The following ATP10A variants were observed in gnomAD, a reference collection of about 807,000 sequenced individuals.
ATP10A encodes phospholipid-transporting ATPase VA.
A neutral mutation model predicts 147.8 loss-of-function variants in ATP10A; 111 were observed. The ratio of observed to expected loss-of-function variants is 0.75; its 90% confidence interval spans 0.64 to 0.88. The LOEUF is 0.88. ATP10A is among the 40% of genes least tolerant of loss of function. ATP10A has a pLI of 0.00. For synonymous variants in ATP10A, 875 were observed against 841.6 expected, an observed-to-expected ratio of 1.04 and a Z score of -0.69; for missense variants, 1,927 against 1,959.0, an observed-to-expected ratio of 0.98 and a Z score of 0.31.
chr15:25,725,496 C>G (rs1432858446), intron 5 of ATP10A, among the ~76,000 whole-genome samples: 1 of 152,142 alleles, frequency 6.6e-6, no homozygotes, highest in African/African-American at 2.4e-5. Flanking sequence ...TTCACCCAGG[C>G]GTTTCCATGT....
intron 1 of ATP10A, among the ~76,000 whole-genome samples, chr15:25,785,774 C>A (rs1890129993): frequency 6.6e-6 from 1 of 152,182 alleles, no homozygotes; most frequent in Non-Finnish European, 1.5e-5. Flanking sequence ...CTGGGGAAGT[C>A]TGGCTGTGCT....
At chr15:25,783,477 AC>A (rs34937685) in intron 1 of ATP10A, among the ~76,000 whole-genome samples, 4 of 145,416 alleles carry the variant, frequency 2.8e-5, no homozygotes, top group Non-Finnish European at 6.2e-5. Context: ...GATTTGAGGG[AC>A]CCCCCCCTGG....
intron 15 of ATP10A, 36 bp from the exon 16 acceptor site, chr15:25,687,864 C>T: frequency 2.5e-6 from 4 of 1,613,438 alleles, no homozygotes; most frequent in South Asian, 1.1e-5. Context: ...ACTGGTGATG[C>T]CGACCTGGCG....
intron 13 of ATP10A, among the ~76,000 whole-genome samples, chr15:25,695,429 C>T (rs1327579702): frequency 6.6e-6 from 1 of 151,948 alleles, no homozygotes; most frequent in African/African-American, 2.4e-5. Flanking sequence ...GAGATCAAGA[C>T]CATCCTGGCT....
intron 1 of ATP10A, among the ~76,000 whole-genome samples, chr15:25,820,718 C>T (rs1051375129): frequency 6.6e-6 from 1 of 152,040 alleles, no homozygotes; most frequent in Non-Finnish European, 1.5e-5. Flanking sequence ...AAAAATGCTG[C>T]TTGGGAAAAT....
At chr15:25,819,929 G>A (rs576995779) in intron 1 of ATP10A, among the ~76,000 whole-genome samples, 16 of 152,198 alleles carry the variant, frequency 1.1e-4, no homozygotes, top group African/African-American at 3.9e-4. Flanking sequence ...AAAAAGGGGG[G>A]AGGGCGGAAG....
intron 2 of ATP10A, among the ~76,000 whole-genome samples, chr15:25,759,404 A>G (rs1888632192): frequency 1.3e-5 from 2 of 152,200 alleles, no homozygotes; most frequent in Admixed American, 1.3e-4. Context: ...TAGAAAATTT[A>G]AGTTTTTAAA....
intron 2 of ATP10A, among the ~76,000 whole-genome samples, chr15:25,737,454 T>C (rs1887350151): frequency 6.6e-6 from 1 of 152,224 alleles, no homozygotes; most frequent in African/African-American, 2.4e-5. Flanking sequence ...AAAAATGTCA[T>C]GGACATGGCT....
intron 7 of ATP10A, 33 bp downstream of exon 7, chr15:25,721,624 C>G: frequency 6.3e-7 from 1 of 1,580,974 alleles, no homozygotes; most frequent in Non-Finnish European, 8.6e-7. Context: ...TCTGGTTCAG[C>G]CTGGGTTGGG....
intron 15 of ATP10A, among the ~76,000 whole-genome samples, chr15:25,689,527 C>T (rs1163457746): frequency 1.3e-5 from 2 of 152,232 alleles, no homozygotes; most frequent in African/African-American, 2.4e-5. Context: ...CAGCAACCCA[C>T]AGCTCATCTC....
chr15:25,844,971 G>A (rs775378082), intron 1 of ATP10A, among the ~76,000 whole-genome samples: 28 of 152,208 alleles, frequency 1.8e-4, no homozygotes, highest in Admixed American at 3.3e-4. Flanking sequence ...GCCTGAACAA[G>A]GGCCATAGCA....
In ATP10A at chr15:25,716,530, T is replaced by C. The variant is rs189028033; in HGVS notation, c.1776+200A>G. 1.5e-3 allele frequency among the ~76,000 whole-genome samples: 228 copies of C among 150,714 alleles called. 1 individual carries two copies. Among genetic ancestry groups the C allele is most frequent in the African/African-American group, 5.4e-3 (218 of 40,046 alleles). On this transcript the variant is annotated intron_variant, in intron 9 of 20. Coordinates refer to ENST00000555815, the MANE Select transcript of ATP10A (RefSeq NM_024490.4). ...GGCCCCAATCATAGCCCCTGCCCAC[T>C]ATAGCCTGGGGCCAACGCTGCAGAA... is the stretch of plus-strand genomic sequence containing the variant.
rs192105109 is a variant in ATP10A, at chr15:25,824,310, A to T, written c.449+38338T>A. 6.6e-5 allele frequency among the ~76,000 whole-genome samples: 10 copies of T among 151,752 alleles called. No individual in the cohort carries two copies. The East Asian group carries it at 9.8e-4, about 15-fold the overall frequency. On this transcript the variant is annotated intron_variant, in intron 1 of 20. Transcript: ENST00000555815. Reference sequence around the variant, plus strand: ...TGGACAACACAGTGAGACCTCTATTAAAAAAATACAAAGAAATGCTGGGTG... The same window carrying T: ...TGGACAACACAGTGAGACCTCTATTTAAAAAATACAAAGAAATGCTGGGTG...
chr15:25,725,754 T>C (rs111559674), intron 5 of ATP10A, among the ~76,000 whole-genome samples, 197 bp downstream of exon 5: 4,105 of 151,980 alleles, frequency 0.027, 84 homozygotes, highest in African/African-American at 0.047. Flanking sequence ...CCTGCCTCAG[T>C]CTCCCGAGTA....
At chr15:25,685,489 A>C (rs562187654) in intron 16 of ATP10A, among the ~76,000 whole-genome samples, 1 of 152,168 alleles carries the variant, frequency 6.6e-6, no homozygotes, top group African/African-American at 2.4e-5. Flanking sequence ...TTTAACTGGG[A>C]ATTAGGGATC....
intron 2 of ATP10A, among the ~76,000 whole-genome samples, chr15:25,753,081 C>T (rs1004196274): frequency 1.8e-4 from 27 of 152,192 alleles, no homozygotes; most frequent in African/African-American, 4.8e-4. Context: ...AAGTACCTGA[C>T]GATTTTGTGG....
At chr15:25,844,074 G>A (rs1892920342) in intron 1 of ATP10A, among the ~76,000 whole-genome samples, 1 of 152,284 alleles carries the variant, frequency 6.6e-6, no homozygotes, top group East Asian at 1.9e-4. Flanking sequence ...CCAAGAACAT[G>A]AAGGAGTCAA....
intron 3 of ATP10A, among the ~76,000 whole-genome samples, chr15:25,730,200 G>C (rs1479754742): frequency 1.3e-5 from 2 of 151,750 alleles, no homozygotes; most frequent in Non-Finnish European, 2.9e-5. Flanking sequence ...ACTCAGGGAG[G>C]CTGAGGCAGG....
intron 2 of ATP10A, among the ~76,000 whole-genome samples, chr15:25,749,097 A>T (rs538872634): frequency 6.7e-6 from 1 of 149,814 alleles, no homozygotes; most frequent in Non-Finnish European, 1.5e-5. Context: ...TTAATACATG[A>T]GTTTAGCAAA....
Sources: gnomAD v4.1 joint callset for allele counts (sites outside exome capture counted in the v4.1 genomes callset) on GRCh38, gnomAD v4.1.1 for gene constraint, MANE v1.5 for transcripts, NCBI Gene and HGNC (gene_info 2026-07-23, HGNC 2026-07-21) for gene names.